Variants in MYH11 observed in about 807,000 individuals in gnomAD.
The protein encoded by MYH11 is myosin heavy chain 11.
Under a neutral mutation model 246.6 loss-of-function variants are expected in MYH11, and 80 were observed. The ratio of observed to expected loss-of-function variants is 0.32; its 90% confidence interval spans 0.27 to 0.39. The LOEUF is 0.39. Ranked by LOEUF, MYH11 falls within the 10% of genes least tolerant of loss-of-function variation. MYH11 has a pLI of 1.00. For synonymous variants in MYH11, 1,071 were observed against 1,015.5 expected (o/e 1.05, Z -1.04); for missense variants, 2,158 against 2,546.8 (o/e 0.85, Z 3.29).
At chr16:15,808,667 C>T (rs1396189462) in intron 3 of MYH11, among the ~76,000 whole-genome samples, 1 of 152,054 alleles carries the variant, frequency 6.6e-6, no homozygotes, top group Non-Finnish European at 1.5e-5. Flanking sequence ...GAGGCTGAGG[C>T]AGAAGGATTG....
At chr16:15,818,683 A>C (rs1032790007) in intron 3 of MYH11, among the ~76,000 whole-genome samples, 6 of 151,580 alleles carry the variant, frequency 4.0e-5, no homozygotes, top group Middle Eastern at 3.4e-3. Flanking sequence ...TGATCCCCCC[A>C]CCTTGGCCTC....
At position 15,737,585 on chromosome 16, in the gene MYH11, G is replaced by A. The variant is rs12149651; in HGVS notation, c.3157C>T (p.Leu1053=). 1.2e-6 allele frequency: 2 copies of A among 1,613,598 alleles called. No individual in the cohort carries two copies. The highest frequency in any genetic ancestry group is 1.7e-6 in the Non-Finnish European group (2 of 1,180,004). The change falls in exon 25 of 41, where the codon CTG becomes TTG. Residue 1053 remains leucine, a synonymous_variant. Coordinates refer to ENST00000300036, the MANE Select transcript of MYH11 (RefSeq NM_002474.3). The part of the protein sequence containing the change: ...LKKEEKSRQE[L]EKLKRKLEGD... ...TCCAGCTTCCGTTTCAGCTTCTCCA[G>A]CTCCTGTCGGCTCTTCTCTTCCTTC...
intron 2 of MYH11, among the ~76,000 whole-genome samples, chr16:15,833,663 C>G (rs879817154): frequency 3.9e-5 from 6 of 152,178 alleles, no homozygotes; most frequent in South Asian, 2.1e-4. Flanking sequence ...CTGCCAGAAC[C>G]TTCTCAAGGG....
chr16:15,842,195 TG>T (rs2044070545), intron 1 of MYH11, among the ~76,000 whole-genome samples: 1 of 152,160 alleles, frequency 6.6e-6, no homozygotes, highest in Non-Finnish European at 1.5e-5. Flanking sequence ...GAGACCAGCC[TG>T]GCCAACATGT....
At chr16:15,747,012 C>G (rs2041434474) in intron 19 of MYH11, among the ~76,000 whole-genome samples, 1 of 151,832 alleles carries the variant, frequency 6.6e-6, no homozygotes, top group African/African-American at 2.4e-5. Flanking sequence ...TGCTTGAGTC[C>G]AAGAGGCAGA....
At position 15,845,073 on chromosome 16, in the gene MYH11, C is replaced by T. The variant is rs182101367; in HGVS notation, c.-17-6804G>A. The stretch of plus-strand genomic sequence containing the variant: ...AACGTGACTCTGCCACTGCAGAATG[C>T]GTGCTTCTGGGTGACTTACGTAGAT... On this transcript the variant is annotated intron_variant, in intron 1 of 40. Transcript: ENST00000300036. Among the ~76,000 whole-genome samples the T allele has an allele frequency of 2.2e-3, 334 of 152,172 alleles. 4 individuals are homozygous for T. The highest frequency in any genetic ancestry group is 6.8e-3 in the African/African-American group (284 of 41,516).
Position 15,726,703 on chromosome 16 carries a change from T to C in MYH11, c.3858+145A>G, listed in dbSNP as rs758100233. On this transcript the variant is annotated intron_variant, in intron 28 of 40. Coordinates refer to ENST00000300036, the MANE Select transcript of MYH11 (RefSeq NM_002474.3). Reference sequence around the variant, plus strand: ...TTTAATATTTAATTGAACAGGGAGATCATCGCCTCTCCTCCAGGAACGCAA... The same window carrying C: ...TTTAATATTTAATTGAACAGGGAGACCATCGCCTCTCCTCCAGGAACGCAA... 14 of 923,926 alleles carry C rather than the reference T, an allele frequency of 1.5e-5. No individual in the cohort carries two copies. The Admixed American group carries it at 1.6e-4, about 11-fold the overall frequency. 57.2% of individuals were successfully genotyped at this position (923,926 alleles called of 1,614,324 possible).
rs2151179069 is a variant in MYH11, at chr16:15,710,620, G to A, written c.5786+4289C>T. On this transcript the variant is annotated intron_variant, in intron 40 of 40. Transcript: ENST00000300036. ...AGAGTGGCTGTATCCCCATCGCTCA[G>A]CCCAGCCACTCAGGAGAGGCAGGGG... 3.3e-5 allele frequency among the ~76,000 whole-genome samples: 5 copies of A among 152,146 alleles called. 1 individual carries two copies. The South Asian group carries it at 1.0e-3, about 32-fold the overall frequency.
intron 36 of MYH11, chr16:15,718,652 A>G: frequency 3.0e-6 from 2 of 658,950 alleles, no homozygotes; most frequent in Admixed American, 5.8e-5. Context: ...TGGGATTGGG[A>G]TGGGGACCAG....
chr16:15,721,392 G>A, intron 32 of MYH11, 30 bp downstream of exon 32: 1 of 1,610,562 alleles, frequency 6.2e-7, no homozygotes, highest in South Asian at 1.1e-5. Context: ...GGCGAAACAT[G>A]GACGAGAAAA....
chr16:15,716,567 G>A (rs1467898520), intron 38 of MYH11, among the ~76,000 whole-genome samples: 1 of 152,058 alleles, frequency 6.6e-6, no homozygotes, highest in East Asian at 1.9e-4. Context: ...TGTCACCCAG[G>A]CTGCAGTGCA....
At chr16:15,782,578 G>A in intron 5 of MYH11, 101 bp from the exon 6 acceptor site, 1 of 868,902 alleles carries the variant, frequency 1.2e-6, no homozygotes, top group South Asian at 1.4e-5. Flanking sequence ...TAACCCACAG[G>A]TTCTCTCCTA....
intron 40 of MYH11, 125 bp from the exon 41 acceptor site, chr16:15,704,248 A>C: frequency 9.4e-7 from 1 of 1,059,774 alleles, no homozygotes; most frequent in Non-Finnish European, 1.4e-6. Flanking sequence ...TTTATGGCAG[A>C]AAACACACAC....
chr16:15,818,700 T>A (rs1028403632), intron 3 of MYH11, among the ~76,000 whole-genome samples: 11 of 152,114 alleles, frequency 7.2e-5, no homozygotes, highest in Admixed American at 3.9e-4. Context: ...CCTCCCAAAG[T>A]GCTGGGATTA....
chr16:15,733,350 C>T lies in MYH11; in HGVS notation c.3507-642G>A, dbSNP rs144770240. On this transcript the variant is annotated intron_variant, in intron 26 of 40. Coordinates refer to ENST00000300036, the MANE Select transcript of MYH11 (RefSeq NM_002474.3). ...CCGGGTTCAAGCGATTCTCCTGCCT[C>T]GGCCTCCTAAGTAGCTGGGATTACA... Among the ~76,000 whole-genome samples, 8 of 152,300 alleles carry T rather than the reference C, an allele frequency of 5.3e-5. No individual in the cohort carries two copies. The South Asian group carries it at 8.3e-4, about 16-fold the overall frequency.
intron 3 of MYH11, among the ~76,000 whole-genome samples, chr16:15,808,229 C>T (rs1371445837): frequency 1.3e-5 from 2 of 152,168 alleles, no homozygotes; most frequent in African/African-American, 4.8e-5. Context: ...TGGCCCTTGA[C>T]GGTGGGTCCT....
At chr16:15,790,059 C>T (rs1470487756) in intron 4 of MYH11, among the ~76,000 whole-genome samples, 1 of 152,216 alleles carries the variant, frequency 6.6e-6, no homozygotes, top group Non-Finnish European at 1.5e-5. Flanking sequence ...CATCCCGGTA[C>T]TTTGGGAGGC....
rs771625605 is a variant in MYH11, at chr16:15,719,234, A to G, written c.5157T>C (p.Ser1719=). Residue 1719 remains serine (S), a synonymous_variant, in exon 36 of 41, where the codon AGT becomes AGC. Transcript: ENST00000300036. ...CAGTTTCCTACCTTCCCGACAGGCT[A>G]CTGGCCAGCTCCTCTGCCAGTTCCT... is the stretch of plus-strand genomic sequence containing the variant. ...EKEELAEELA[S]SLSGRNALQD... is the part of the protein sequence containing the mutation. The G allele has an allele frequency of 1.9e-6, 3 of 1,613,608 alleles. No individual in the cohort carries two copies. Among genetic ancestry groups the G allele is most frequent in the Non-Finnish European group, 2.5e-6 (3 of 1,179,980 alleles).
chr16:15,783,849 G>A (rs950969502), intron 5 of MYH11, among the ~76,000 whole-genome samples: 2 of 152,062 alleles, frequency 1.3e-5, no homozygotes, highest in African/African-American at 2.4e-5. Context: ...ACTCGGCCAA[G>A]GTCACACAAA....
Sources: gnomAD v4.1 joint callset for allele counts (sites outside exome capture counted in the v4.1 genomes callset) on GRCh38, gnomAD v4.1.1 for gene constraint, MANE v1.5 for transcripts, NCBI Gene and HGNC (gene_info 2026-07-23, HGNC 2026-07-21) for gene names.